Variants in NALCN observed in about 807,000 individuals in gnomAD.
NALCN encodes the protein sodium leak channel, non-selective.
In NALCN, 111 loss-of-function variants were observed where a neutral mutation model predicts 225.3. The observed-to-expected ratio is 0.49, with a 90% CI of 0.42 to 0.58. The LOEUF (loss-of-function observed/expected upper bound fraction) is 0.58, where lower values mean the gene tolerates loss of function less well. Among genes scored for constraint, NALCN ranks in the 20% least tolerant of loss-of-function variants. The pLI is 0.00. For synonymous variants in NALCN, 764 were observed against 769.0 expected, an observed-to-expected ratio of 0.99 and a Z score of 0.11; for missense variants, 1,378 against 2,202.4, an observed-to-expected ratio of 0.63 and a Z score of 7.49.
intron 15 of NALCN, among the ~76,000 whole-genome samples, chr13:101,165,610 C>T (rs2038400386): frequency 6.6e-6 from 1 of 152,198 alleles, no homozygotes; most frequent in Non-Finnish European, 1.5e-5. Context: ...GCTGTGACTA[C>T]AGGCATGCGC....
chr13:101,301,133 G>T (rs547927857), intron 7 of NALCN, among the ~76,000 whole-genome samples: 16 of 152,308 alleles, frequency 1.1e-4, no homozygotes, highest in Middle Eastern at 6.8e-3. Flanking sequence ...AGAGGTGAAG[G>T]CTTTCACTAT....
At chr13:101,149,839 T>C (rs2037547416) in intron 15 of NALCN, among the ~76,000 whole-genome samples, 2 of 152,192 alleles carry the variant, frequency 1.3e-5, no homozygotes, top group Admixed American at 6.5e-5. Context: ...TTTGCTGTTA[T>C]TAAGAGAGAA....
chr13:101,083,330 G>C (rs9518299), intron 31 of NALCN, 132 bp from the exon 32 acceptor site: 10 of 756,296 alleles, frequency 1.3e-5, no homozygotes, highest in Non-Finnish European at 2.1e-5. Flanking sequence ...CTATTGTGAG[G>C]TGTTTTTGCA....
At chr13:101,085,850 C>G (rs2046575693) in intron 30 of NALCN, among the ~76,000 whole-genome samples, 2 of 152,108 alleles carry the variant, frequency 1.3e-5, no homozygotes. Flanking sequence ...GTAGAGATCT[C>G]AGCATAGCTC....
intron 3 of NALCN, among the ~76,000 whole-genome samples, chr13:101,386,454 G>T (rs946688275): frequency 6.6e-6 from 1 of 152,142 alleles, no homozygotes; most frequent in Non-Finnish European, 1.5e-5. Flanking sequence ...TGAGCTCATT[G>T]TAAGTGTTCA....
intron 38 of NALCN, among the ~76,000 whole-genome samples, 161 bp from the exon 39 acceptor site, chr13:101,068,194 C>T (rs556530238): frequency 1.2e-4 from 18 of 152,322 alleles, no homozygotes; most frequent in African/African-American, 3.8e-4. Flanking sequence ...CATGTTTACA[C>T]TTGGACTAAG....
intron 7 of NALCN, among the ~76,000 whole-genome samples, chr13:101,331,629 C>T (rs931939367): frequency 2.6e-5 from 4 of 152,020 alleles, no homozygotes; most frequent in Admixed American, 6.6e-5. Flanking sequence ...CTTGAGTTTC[C>T]GTTGTTTAAA....
chr13:101,133,716 A>G (rs1307328166), intron 17 of NALCN, among the ~76,000 whole-genome samples: 3 of 152,194 alleles, frequency 2.0e-5, no homozygotes, highest in Non-Finnish European at 2.9e-5. Context: ...TGCTTAGAAA[A>G]AAAATTTTAA....
At chr13:101,347,957 A>G (rs1281077080) in intron 6 of NALCN, among the ~76,000 whole-genome samples, 1 of 152,176 alleles carries the variant, frequency 6.6e-6, no homozygotes, top group Non-Finnish European at 1.5e-5. Flanking sequence ...TTAAAAGAGG[A>G]GAAGAAACTT....
At chr13:101,415,556 ATGAC>A (rs2047919277) in intron 1 of NALCN, among the ~76,000 whole-genome samples, 1 of 152,140 alleles carries the variant, frequency 6.6e-6, no homozygotes, top group Admixed American at 6.5e-5. Context: ...AGTCAGCAAA[ATGAC>A]TGCGATCTGG....
chr13:101,397,780 T>C (rs77292022), intron 2 of NALCN, among the ~76,000 whole-genome samples: 5,631 of 152,194 alleles, frequency 0.037, 148 homozygotes, highest in Admixed American at 0.072. Flanking sequence ...CAGTTATTTA[T>C]AGATAACTTT....
intron 17 of NALCN, among the ~76,000 whole-genome samples, chr13:101,136,536 T>A (rs1259830706): frequency 6.7e-6 from 1 of 148,682 alleles, no homozygotes; most frequent in East Asian, 2.1e-4. Context: ...TTCCCACCTA[T>A]GAGTGAGAAC....
At chr13:101,307,649 T>C (rs1377599074) in intron 7 of NALCN, among the ~76,000 whole-genome samples, 1 of 152,192 alleles carries the variant, frequency 6.6e-6, no homozygotes, top group Non-Finnish European at 1.5e-5. Flanking sequence ...AAAATTCTGC[T>C]TTTAAAGTTA....
At chr13:101,209,844 CT>C (rs1461220029) in intron 13 of NALCN, among the ~76,000 whole-genome samples, 1 of 152,172 alleles carries the variant, frequency 6.6e-6, no homozygotes, top group Non-Finnish European at 1.5e-5. Context: ...ACAGAATTCA[CT>C]TTTTGGTGGT....
intron 35 of NALCN, 25 bp from the exon 36 acceptor site, chr13:101,074,687 G>GGA (rs1566785753): frequency 2.5e-6 from 4 of 1,578,628 alleles, no homozygotes; most frequent in Middle Eastern, 1.7e-4. Flanking sequence ...TGGGAAGCGG[G>GGA]GAGACAGAGA....
chr13:101,332,367 G>T (rs796684824), intron 7 of NALCN, among the ~76,000 whole-genome samples: 2 of 54,928 alleles, frequency 3.6e-5, no homozygotes, highest in South Asian at 5.7e-4. Flanking sequence ...AGAGAAAAAC[G>T]ATGTTAAAAA....
chr13:101,374,059 C>A (rs1335298167), intron 6 of NALCN, among the ~76,000 whole-genome samples: 1 of 151,832 alleles, frequency 6.6e-6, no homozygotes, highest in East Asian at 1.9e-4. Flanking sequence ...CTATTTTGAA[C>A]AATAATAATG....
Position 101,082,809 on chromosome 13 carries a change from CT to C in NALCN, c.3764del (p.Glu1255GlyfsTer4). 1 of 1,614,126 alleles carries C rather than the reference CT, an allele frequency of 6.2e-7. No homozygotes were observed. The highest frequency in any genetic ancestry group is 8.5e-7 in the Non-Finnish European group (1 of 1,180,002). The stretch of plus-strand genomic sequence containing the variant: ...AGAGCTAGCTGACTCATTACAGTAC[CT>C]CCAGAACAAAGATGAAGGTGAAAAC... The part of the protein sequence containing the change: ...SVVFTFIFVL[E>X]VTMKIIAMSP... On this transcript the variant is annotated frameshift_variant and splice_region_variant, in exon 33 of 44. Transcript: ENST00000251127. LOFTEE classifies it high-confidence loss of function.
At chr13:101,401,407 T>C (rs1294796876) in intron 1 of NALCN, among the ~76,000 whole-genome samples, 1 of 152,148 alleles carries the variant, frequency 6.6e-6, no homozygotes, top group African/African-American at 2.4e-5. Context: ...ATACAATCTT[T>C]TAGAAATCCT....
Sources: allele counts gnomAD v4.1 joint callset (sites outside exome capture counted in the v4.1 genomes callset), GRCh38; gene constraint gnomAD v4.1.1; transcripts MANE v1.5; gene names NCBI Gene and HGNC (gene_info 2026-07-23, HGNC 2026-07-21).